The following PLBD1 variants were observed in gnomAD, a reference collection of about 807,000 sequenced individuals.
PLBD1 encodes the protein lysosomal leucine aminopeptidase.
A neutral mutation model predicts 63.0 loss-of-function variants in PLBD1; 60 were observed. The observed-to-expected ratio is 0.95, with a 90% CI of 0.77 to 1.18. The LOEUF (loss-of-function observed/expected upper bound fraction) is 1.18. PLBD1 is among the 50% of genes most tolerant of loss of function. The probability of loss-of-function intolerance (pLI) is 0.00; values close to 1 mark genes in which losing one functional copy is unlikely to be tolerated. For missense variants in PLBD1, 598 were observed against 677.9 expected, an observed-to-expected ratio of 0.88 and a Z score of 1.31; for synonymous variants, 262 against 248.0, an observed-to-expected ratio of 1.06 and a Z score of -0.53.
chr12:14,506,770 C>G (rs1280819906), intron 9 of PLBD1, among the ~76,000 whole-genome samples, 163 bp downstream of exon 9: 1 of 151,412 alleles, frequency 6.6e-6, no homozygotes, highest in Non-Finnish European at 1.5e-5. Context: ...TAAAGGAGGC[C>G]AAAGCTCTAT....
At chr12:14,505,225 T>G (rs541763980) in intron 10 of PLBD1, among the ~76,000 whole-genome samples, 1 of 152,068 alleles carries the variant, frequency 6.6e-6, no homozygotes, top group Admixed American at 6.6e-5. Flanking sequence ...GCATTTCCTG[T>G]TTAGGTATTA....
intron 10 of PLBD1, among the ~76,000 whole-genome samples, chr12:14,504,997 G>A (rs1275483951): frequency 6.6e-6 from 1 of 152,036 alleles, no homozygotes; most frequent in Non-Finnish European, 1.5e-5. Context: ...TGTATTCTGT[G>A]ATAGATACAA....
intron 5 of PLBD1, chr12:14,536,246 GCA>G: frequency 1.2e-5 from 3 of 256,094 alleles, no homozygotes; most frequent in Non-Finnish European, 1.5e-5. Flanking sequence ...TTGCAGTGAG[GCA>G]AGCTCACACC....
intron 6 of PLBD1, among the ~76,000 whole-genome samples, chr12:14,535,011 G>A (rs1184989312): frequency 6.6e-6 from 1 of 152,066 alleles, no homozygotes; most frequent in Non-Finnish European, 1.5e-5. Context: ...CCATGTTCAT[G>A]GTCTATCTCA....
At chr12:14,551,268 C>T (rs572108234) in intron 2 of PLBD1, among the ~76,000 whole-genome samples, 7 of 150,932 alleles carry the variant, frequency 4.6e-5, no homozygotes, top group African/African-American at 1.5e-4. Context: ...GAGGCTGAAG[C>T]TCAAGAATTG....
intron 6 of PLBD1, among the ~76,000 whole-genome samples, chr12:14,518,144 G>A (rs1413460543): frequency 6.6e-6 from 1 of 152,180 alleles, no homozygotes; most frequent in Non-Finnish European, 1.5e-5. Context: ...TCACACCACT[G>A]CACTCCATCC....
At chr12:14,557,153 T>G (rs766660926) in intron 1 of PLBD1, among the ~76,000 whole-genome samples, 1 of 151,980 alleles carries the variant, frequency 6.6e-6, no homozygotes, top group Non-Finnish European at 1.5e-5. Flanking sequence ...TGGCTATTAT[T>G]TAAAATGTCA....
At chr12:14,517,689 G>C (rs763038321) in intron 6 of PLBD1, among the ~76,000 whole-genome samples, 15 of 152,098 alleles carry the variant, frequency 9.9e-5, no homozygotes, top group Non-Finnish European at 2.1e-4. Context: ...AGTATGCTTT[G>C]CCTCTCGACT....
intron 6 of PLBD1, chr12:14,530,009 C>T (rs1213498067): frequency 6.6e-6 from 1 of 152,170 alleles, no homozygotes; most frequent in East Asian, 1.9e-4. Context: ...AATCGCCTTT[C>T]CTTGAATGTG....
chr12:14,538,795 T>C (rs943268735), intron 4 of PLBD1, among the ~76,000 whole-genome samples: 1 of 151,956 alleles, frequency 6.6e-6, no homozygotes, highest in Non-Finnish European at 1.5e-5. Context: ...GGAGGCCGAG[T>C]CCAGTGAATC....
chr12:14,544,608 T>C (rs1219391716), intron 2 of PLBD1, among the ~76,000 whole-genome samples: 1 of 152,226 alleles, frequency 6.6e-6, no homozygotes, highest in African/African-American at 2.4e-5. Flanking sequence ...CTATGTCTAA[T>C]AACAGTTTTT....
chr12:14,519,216 C>T (rs866518293), intron 6 of PLBD1, among the ~76,000 whole-genome samples: 2 of 152,118 alleles, frequency 1.3e-5, no homozygotes, highest in African/African-American at 4.8e-5. Context: ...GTCTTAACCC[C>T]TAGTACCTGA....
At chr12:14,529,439 C>T (rs1259448343) in intron 6 of PLBD1, among the ~76,000 whole-genome samples, 2 of 152,018 alleles carry the variant, frequency 1.3e-5, no homozygotes, top group Admixed American at 6.6e-5. Flanking sequence ...CACATCATGA[C>T]TGAGGATTAA....
At chr12:14,534,050 A>G (rs545388632) in intron 6 of PLBD1, among the ~76,000 whole-genome samples, 1 of 152,294 alleles carries the variant, frequency 6.6e-6, no homozygotes, top group Admixed American at 6.5e-5. Flanking sequence ...TGGGAGGCTG[A>G]GGCAAGAGGA....
chr12:14,548,457 C>CAAAAAA (rs56119793), intron 2 of PLBD1, among the ~76,000 whole-genome samples: 4 of 68,364 alleles, frequency 5.9e-5, no homozygotes, highest in African/African-American at 2.1e-4. Flanking sequence ...ACTCCATCTC[C>CAAAAAA]AAAAAAAAAA....
intron 2 of PLBD1, among the ~76,000 whole-genome samples, chr12:14,542,948 G>A (rs1333662975): frequency 6.6e-6 from 1 of 152,186 alleles, no homozygotes; most frequent in Non-Finnish European, 1.5e-5. Flanking sequence ...TCGGGAGGCT[G>A]AGGCAGGAGA....
intron 6 of PLBD1, among the ~76,000 whole-genome samples, chr12:14,522,209 A>C (rs528209184): frequency 2.0e-4 from 31 of 152,312 alleles, no homozygotes; most frequent in African/African-American, 7.5e-4. Flanking sequence ...AAACTTCTTA[A>C]GTTTTGAGAG....
At chr12:14,520,004 T>C (rs939406174) in intron 6 of PLBD1, among the ~76,000 whole-genome samples, 3 of 152,198 alleles carry the variant, frequency 2.0e-5, no homozygotes, top group Admixed American at 6.5e-5. Flanking sequence ...GAATATGAAC[T>C]GTGTCCTGTT....
intron 6 of PLBD1, among the ~76,000 whole-genome samples, chr12:14,534,629 C>T (rs952502342): frequency 5.1e-4 from 78 of 151,554 alleles, no homozygotes; most frequent in African/African-American, 1.8e-3. Flanking sequence ...CTGCAAGCTC[C>T]GCCTCCCGGG....
Sources: gnomAD v4.1 joint callset for allele counts (sites outside exome capture counted in the v4.1 genomes callset) on GRCh38, gnomAD v4.1.1 for gene constraint, MANE v1.5 for transcripts, NCBI Gene and HGNC (gene_info 2026-07-23, HGNC 2026-07-21) for gene names.